Variants in EXOC6B observed in about 807,000 individuals in gnomAD.
The protein encoded by EXOC6B is exocyst complex component 6B.
Under a neutral mutation model 113.5 loss-of-function variants are expected in EXOC6B, and 54 were observed. The observed-to-expected ratio is 0.48, with a 90% CI of 0.38 to 0.60. EXOC6B has a LOEUF of 0.60. Ranked by LOEUF, EXOC6B falls within the 20% of genes least tolerant of loss-of-function variation. EXOC6B has a pLI of 0.00. For missense variants in EXOC6B, 797 were observed against 977.5 expected (o/e 0.82, Z 2.46); for synonymous variants, 357 against 339.0 (o/e 1.05, Z -0.58).
At chr2:72,753,370 C>T (rs1174144416) in intron 1 of EXOC6B, among the ~76,000 whole-genome samples, 1 of 152,008 alleles carries the variant, frequency 6.6e-6, no homozygotes, top group East Asian at 1.9e-4. Flanking sequence ...GTACATTAAC[C>T]TTGACACCTC....
intron 19 of EXOC6B, among the ~76,000 whole-genome samples, chr2:72,372,907 A>T (rs184943656): frequency 9.9e-5 from 15 of 152,152 alleles, no homozygotes; most frequent in Admixed American, 6.6e-4. Context: ...GAAAACTAGA[A>T]ATCCATATGC....
intron 8 of EXOC6B, among the ~76,000 whole-genome samples, chr2:72,545,130 T>C (rs1184486867): frequency 6.6e-6 from 1 of 152,062 alleles, no homozygotes; most frequent in Non-Finnish European, 1.5e-5. Flanking sequence ...GACACCTCTT[T>C]AAAAAAATAC....
chr2:72,595,027 G>A (rs1264768302), intron 6 of EXOC6B, among the ~76,000 whole-genome samples: 6 of 152,098 alleles, frequency 3.9e-5, no homozygotes, highest in Non-Finnish European at 7.3e-5. Context: ...GGGAGGCAGA[G>A]GTGGGCAGAT....
chr2:72,213,287 A>C (rs1680309746), intron 20 of EXOC6B, among the ~76,000 whole-genome samples: 2 of 152,236 alleles, frequency 1.3e-5, no homozygotes, highest in African/African-American at 4.8e-5. Flanking sequence ...AAAACTGCCT[A>C]GCTGAGCCCT....
At chr2:72,519,846 A>G (rs1444953784) in intron 8 of EXOC6B, among the ~76,000 whole-genome samples, 1 of 152,156 alleles carries the variant, frequency 6.6e-6, no homozygotes, top group African/African-American at 2.4e-5. Context: ...TAGCAGAGAG[A>G]TAGTAATAAA....
intron 6 of EXOC6B, among the ~76,000 whole-genome samples, chr2:72,717,786 C>T (rs2104717360): frequency 6.6e-6 from 1 of 152,190 alleles, no homozygotes; most frequent in South Asian, 2.1e-4. Context: ...AGAAGGAGAA[C>T]TTTAAAATAT....
In EXOC6B at chr2:72,405,517, T is replaced by C. The variant is rs187441731; in HGVS notation, c.1981-25647A>G. 2.0e-3 allele frequency among the ~76,000 whole-genome samples: 299 copies of C among 152,304 alleles called. 1 individual carries two copies. Among genetic ancestry groups the C allele is most frequent in the African/African-American group, 6.9e-3 (287 of 41,556 alleles). ...GTTGCGGATCTCTTGGCAGAAACTC[T>C]ACAAGCCAGAAGAGAGTGGGGGCCA... On this transcript the variant is annotated intron_variant, in intron 18 of 21. Transcript: ENST00000272427.
intron 20 of EXOC6B, among the ~76,000 whole-genome samples, chr2:72,191,492 T>TTTGTTG (rs144478642): frequency 1.3e-5 from 2 of 152,130 alleles, no homozygotes; most frequent in Admixed American, 6.5e-5. Flanking sequence ...CAGCTGGTTG[T>TTTGTTG]TTGTTGTTGT....
intron 6 of EXOC6B, among the ~76,000 whole-genome samples, chr2:72,645,966 A>G (rs948961334): frequency 1.3e-5 from 2 of 152,218 alleles, no homozygotes; most frequent in African/African-American, 4.8e-5. Flanking sequence ...GGAGATAGAG[A>G]CACAAAAAAC....
chr2:72,179,246 G>T lies in EXOC6B; in HGVS notation c.*89C>A. ...AAATACATATGCTCTCTTTGAAGAA[G>T]AATGCACAAATGCAGGGTCAGCTGG... On this transcript the variant is annotated 3_prime_UTR_variant, in exon 22 of 22. Coordinates refer to ENST00000272427, the MANE Select transcript of EXOC6B (RefSeq NM_015189.3). The T allele has an allele frequency of 7.2e-7, 1 of 1,389,504 alleles. No homozygotes were observed. 86.1% of individuals were successfully genotyped at this position (1,389,504 alleles called of 1,614,324 possible). A position where few individuals can be genotyped will look rare whatever the true frequency, so the allele number is the denominator to read the frequency against.
At chr2:72,331,051 C>T (rs530582080) in intron 20 of EXOC6B, among the ~76,000 whole-genome samples, 13 of 152,202 alleles carry the variant, frequency 8.5e-5, no homozygotes, top group Non-Finnish European at 1.8e-4. Flanking sequence ...GAAATTTGAG[C>T]TTCATAAGTA....
intron 1 of EXOC6B, among the ~76,000 whole-genome samples, chr2:72,748,169 A>G (rs1429144171): frequency 2.6e-5 from 4 of 152,096 alleles, no homozygotes; most frequent in African/African-American, 9.7e-5. Context: ...AATGAACTGA[A>G]CATTTTGGTT....
intron 11 of EXOC6B, among the ~76,000 whole-genome samples, chr2:72,505,335 AC>A (rs1176241680): frequency 6.6e-6 from 1 of 151,844 alleles, no homozygotes; most frequent in Non-Finnish European, 1.5e-5. Context: ...CTATCCAATG[AC>A]CTCCTATGCC....
chr2:72,352,682 TAA>T (rs1463012705), intron 19 of EXOC6B, among the ~76,000 whole-genome samples: 1 of 151,054 alleles, frequency 6.6e-6, no homozygotes, highest in Non-Finnish European at 1.5e-5. Flanking sequence ...GGCATATTTT[TAA>T]AAATGTCTTA....
intron 19 of EXOC6B, among the ~76,000 whole-genome samples, chr2:72,353,631 C>A: frequency 6.6e-6 from 1 of 151,940 alleles, no homozygotes; most frequent in East Asian, 1.9e-4. Flanking sequence ...GCCTCACCCT[C>A]CCAGAGTGCT....
intron 6 of EXOC6B, among the ~76,000 whole-genome samples, chr2:72,649,431 C>A (rs1221446523): frequency 6.6e-6 from 1 of 152,060 alleles, no homozygotes; most frequent in Non-Finnish European, 1.5e-5. Flanking sequence ...ACTATTATTA[C>A]ACATTGTATG....
At position 72,736,207 on chromosome 2, in the gene EXOC6B, C is replaced by A. The variant is rs796290475; in HGVS notation, c.280-3089G>T. Among the ~76,000 whole-genome samples, 824 of 133,586 alleles carry A rather than the reference C, an allele frequency of 6.2e-3. 4 individuals are homozygous for A. Among genetic ancestry groups the A allele is most frequent in the Non-Finnish European group, 7.8e-3 (517 of 66,612 alleles). The allele number at this position is 133,586 out of a possible 152,430, so 87.6% of individuals were successfully genotyped here. A position where few individuals can be genotyped will look rare whatever the true frequency, so the allele number is the denominator to read the frequency against. On this transcript the variant is annotated intron_variant, in intron 2 of 21. Transcript: ENST00000272427. The stretch of plus-strand genomic sequence containing the variant: ...TCTCAAAAAATTAAAAAAAAAAAAA[C>A]AAAACAATAAAAAGAAACTATACCA...
intron 18 of EXOC6B, among the ~76,000 whole-genome samples, chr2:72,412,205 T>C (rs1694230358): frequency 6.6e-6 from 1 of 151,982 alleles, no homozygotes; most frequent in Admixed American, 6.6e-5. Flanking sequence ...AACCAAAAAA[T>C]AAATAAGACT....
At chr2:72,655,823 G>C (rs1210452822) in intron 6 of EXOC6B, among the ~76,000 whole-genome samples, 1 of 151,920 alleles carries the variant, frequency 6.6e-6, no homozygotes, top group Non-Finnish European at 1.5e-5. Flanking sequence ...GAGATATTTT[G>C]CAAAGCCTTC....
Sources: gnomAD v4.1 joint callset for allele counts (sites outside exome capture counted in the v4.1 genomes callset) on GRCh38, gnomAD v4.1.1 for gene constraint, MANE v1.5 for transcripts, NCBI Gene and HGNC (gene_info 2026-07-23, HGNC 2026-07-21) for gene names.